RABGAP1L: variants seen among roughly 807,000 people sequenced by gnomAD.
RABGAP1L encodes the protein rab GTPase-activating protein 1-like.
RABGAP1L carries 63 observed loss-of-function variants against 137.7 expected under a neutral mutation model. That is an observed-to-expected ratio of 0.46 (90% CI 0.37 to 0.56). RABGAP1L has a LOEUF of 0.56. Ranked by LOEUF, RABGAP1L falls within the 20% of genes least tolerant of loss-of-function variation. RABGAP1L has a pLI of 0.00. For missense variants in RABGAP1L, 1,095 were observed against 1,244.0 expected (o/e 0.88, Z 1.80); for synonymous variants, 431 against 433.7 (o/e 0.99, Z 0.08).
chr1:174,806,967 G>A (rs1373536338), intron 18 of RABGAP1L, among the ~76,000 whole-genome samples: 2 of 152,092 alleles, frequency 1.3e-5, no homozygotes, highest in African/African-American at 2.4e-5. Context: ...TGTATTTTTA[G>A]TAGATACAGG....
chr1:174,352,540 G>A (rs1454086415), intron 11 of RABGAP1L, among the ~76,000 whole-genome samples: 1 of 152,090 alleles, frequency 6.6e-6, no homozygotes, highest in Non-Finnish European at 1.5e-5. Flanking sequence ...TATTTGAAAG[G>A]TCACATATCT....
At chr1:174,696,744 T>G (rs1209076182) in intron 15 of RABGAP1L, among the ~76,000 whole-genome samples, 6 of 152,332 alleles carry the variant, frequency 3.9e-5, no homozygotes, top group African/African-American at 1.4e-4. Context: ...GCTGGGGGGA[T>G]AGGATAGGTG....
At chr1:174,220,269 T>C (rs1256441327) in intron 2 of RABGAP1L, among the ~76,000 whole-genome samples, 2 of 152,214 alleles carry the variant, frequency 1.3e-5, no homozygotes, top group African/African-American at 4.8e-5. Flanking sequence ...TATAACCTTT[T>C]AAATGATATT....
intron 19 of RABGAP1L, among the ~76,000 whole-genome samples, chr1:174,913,062 G>A (rs552995927): frequency 1.1e-4 from 16 of 151,340 alleles, no homozygotes; most frequent in Non-Finnish European, 2.2e-4. Context: ...TGCAGCCTCC[G>A]CCTCCAAGGT....
intron 19 of RABGAP1L, among the ~76,000 whole-genome samples, chr1:174,890,763 C>T (rs1380579267): frequency 6.6e-6 from 1 of 152,068 alleles, no homozygotes; most frequent in Non-Finnish European, 1.5e-5. Flanking sequence ...TTGCTTTTCT[C>T]ACTTAACAGT....
At chr1:174,164,215 C>G (rs1287516900) in intron 1 of RABGAP1L, among the ~76,000 whole-genome samples, 1 of 151,720 alleles carries the variant, frequency 6.6e-6, no homozygotes, top group Non-Finnish European at 1.5e-5. Flanking sequence ...GGCTGATATT[C>G]CATAAACCAA....
chr1:174,423,010 T>C (rs548939395), intron 13 of RABGAP1L, among the ~76,000 whole-genome samples: 71 of 152,014 alleles, frequency 4.7e-4, no homozygotes, highest in African/African-American at 1.7e-3. Flanking sequence ...AATAGTGACA[T>C]TTTTTAGCAC....
intron 5 of RABGAP1L, among the ~76,000 whole-genome samples, chr1:174,250,039 T>C (rs990954398): frequency 2.6e-5 from 4 of 152,290 alleles, no homozygotes; most frequent in African/African-American, 9.6e-5. Context: ...TGGTGGTGCT[T>C]AGTGTTGAAC....
At chr1:174,327,971 A>C in intron 11 of RABGAP1L, among the ~76,000 whole-genome samples, 1 of 14,524 alleles carries the variant, frequency 6.9e-5, no homozygotes, top group South Asian at 2.5e-3. Context: ...ATATATATAT[A>C]TATATATACA....
At position 174,653,103 on chromosome 1, in the gene RABGAP1L, GA is replaced by G. The variant is rs531926797; in HGVS notation, c.1824+15619del. Among the ~76,000 whole-genome samples the G allele has an allele frequency of 2.0e-3, 297 of 152,274 alleles. 1 individual carries two copies. The highest frequency in any genetic ancestry group is 6.8e-3 in the African/African-American group (282 of 41,576). On this transcript the variant is annotated intron_variant, in intron 14 of 25. Coordinates refer to ENST00000681986, the MANE Select transcript of RABGAP1L (RefSeq NM_001366446.1). ...AGAGGCTTTGTTTACACTGTGAGGG[GA>G]AAACCGCCTACTCCAGCCTCAGTAA...
chr1:174,492,301 C>A (rs1355307873), intron 13 of RABGAP1L, among the ~76,000 whole-genome samples: 1 of 151,016 alleles, frequency 6.6e-6, no homozygotes, highest in Non-Finnish European at 1.5e-5. Flanking sequence ...CTGCCTCAAC[C>A]TCCCGAGTAG....
At chr1:174,319,917 A>G (rs12083814) in intron 11 of RABGAP1L, among the ~76,000 whole-genome samples, 44,257 of 151,802 alleles carry the variant, frequency 0.29, 7,187 homozygotes, top group African/African-American at 0.43. Flanking sequence ...TGCTTCATCT[A>G]TTCCCTAATA....
At chr1:174,485,700 T>C (rs1221712899) in intron 13 of RABGAP1L, among the ~76,000 whole-genome samples, 1 of 152,228 alleles carries the variant, frequency 6.6e-6, no homozygotes, top group African/African-American at 2.4e-5. Flanking sequence ...TACTTGGCCA[T>C]GATGAATGAT....
intron 3 of RABGAP1L, among the ~76,000 whole-genome samples, chr1:174,229,417 A>T (rs1670447746): frequency 6.6e-6 from 1 of 152,166 alleles, no homozygotes; most frequent in Admixed American, 6.5e-5. Flanking sequence ...AAAAAGTGGC[A>T]GGTCTCAATC....
intron 18 of RABGAP1L, among the ~76,000 whole-genome samples, chr1:174,781,691 T>C (rs991240037): frequency 6.6e-6 from 1 of 152,256 alleles, no homozygotes; most frequent in African/African-American, 2.4e-5. Flanking sequence ...ATGGTTTTTA[T>C]GGTTTTAGGT....
intron 19 of RABGAP1L, among the ~76,000 whole-genome samples, chr1:174,925,137 G>A (rs1196716493): frequency 1.3e-5 from 2 of 151,962 alleles, no homozygotes; most frequent in African/African-American, 4.8e-5. Flanking sequence ...AGGCTGAGGC[G>A]GGCGTATCAC....
chr1:174,478,271 A>G (rs949188913), intron 13 of RABGAP1L, among the ~76,000 whole-genome samples: 2 of 149,582 alleles, frequency 1.3e-5, no homozygotes, highest in Non-Finnish European at 3.0e-5. Flanking sequence ...TGTTTTTCGG[A>G]GGTGTGTGTG....
At chr1:174,842,458 A>G (rs1244415961) in intron 19 of RABGAP1L, among the ~76,000 whole-genome samples, 1 of 152,210 alleles carries the variant, frequency 6.6e-6, no homozygotes, top group Non-Finnish European at 1.5e-5. Context: ...TATTCTCCCC[A>G]GGAGCCTGTT....
chr1:174,806,777 C>A (rs1200995756), intron 18 of RABGAP1L, among the ~76,000 whole-genome samples: 1 of 152,052 alleles, frequency 6.6e-6, no homozygotes. Context: ...GCTTGACATT[C>A]ATAAAGCTTA....
Sources: gnomAD v4.1 joint callset for allele counts (sites outside exome capture counted in the v4.1 genomes callset) on GRCh38, gnomAD v4.1.1 for gene constraint, MANE v1.5 for transcripts, NCBI Gene and HGNC (gene_info 2026-07-23, HGNC 2026-07-21) for gene names.